The following TRIO variants were observed in gnomAD, a reference collection of about 807,000 sequenced individuals.
TRIO encodes the protein triple functional domain protein.
In TRIO, 58 loss-of-function variants were observed where a neutral mutation model predicts 351.9. That is an observed-to-expected ratio of 0.16 (90% CI 0.13 to 0.21). The LOEUF (loss-of-function observed/expected upper bound fraction) is 0.21, where lower values mean the gene tolerates loss of function less well. Ranked by LOEUF, TRIO falls within the 10% of genes least tolerant of loss-of-function variation. The pLI is 1.00. For missense variants in TRIO, 3,201 were observed against 4,027.8 expected, an observed-to-expected ratio of 0.79 and a Z score of 5.56; for synonymous variants, 1,758 against 1,595.7, an observed-to-expected ratio of 1.10 and a Z score of -2.42.
chr5:14,472,416 G>T (rs1192322447), intron 38 of TRIO, among the ~76,000 whole-genome samples, 176 bp from the exon 39 acceptor site: 3 of 152,148 alleles, frequency 2.0e-5, no homozygotes, highest in Admixed American at 6.5e-5. Flanking sequence ...GCTCTCGTGG[G>T]TCACCCACTT....
chr5:14,336,161 T>A (rs1358422859), intron 10 of TRIO, among the ~76,000 whole-genome samples: 1 of 152,186 alleles, frequency 6.6e-6, no homozygotes, highest in Non-Finnish European at 1.5e-5. Context: ...TGGAACTCTC[T>A]GCTTGGTGAT....
chr5:14,421,661 CA>C (rs1302423075), intron 34 of TRIO, among the ~76,000 whole-genome samples: 6 of 150,334 alleles, frequency 4.0e-5, no homozygotes, highest in Non-Finnish European at 5.9e-5. Context: ...TGCGCAGCAA[CA>C]GACAGCAGGT....
At chr5:14,464,594 A>G (rs1754108063) in intron 36 of TRIO, among the ~76,000 whole-genome samples, 1 of 152,028 alleles carries the variant, frequency 6.6e-6, no homozygotes, top group South Asian at 2.1e-4. Flanking sequence ...TCTTCACCCC[A>G]TATTCCAAAT....
At chr5:14,370,850 G>A (rs1745044027) in intron 18 of TRIO, among the ~76,000 whole-genome samples, 1 of 152,078 alleles carries the variant, frequency 6.6e-6, no homozygotes, top group Admixed American at 6.6e-5. Context: ...CTTTGTCCAG[G>A]ATCTGTTTAG....
At chr5:14,379,105 A>T (rs2152351907) in intron 20 of TRIO, among the ~76,000 whole-genome samples, 1 of 152,250 alleles carries the variant, frequency 6.6e-6, no homozygotes. Context: ...GGGGGTCTGG[A>T]GGGAAGCACA....
chr5:14,393,898 T>G, intron 27 of TRIO, 140 bp from the exon 28 acceptor site: 1 of 492,716 alleles, frequency 2.0e-6, no homozygotes, highest in Non-Finnish European at 3.5e-6. Context: ...TAAAAGCCTC[T>G]TAGGAAAAGG....
At chr5:14,161,572 G>A (rs1351977394) in intron 1 of TRIO, among the ~76,000 whole-genome samples, 1 of 152,160 alleles carries the variant, frequency 6.6e-6, no homozygotes, top group African/African-American at 2.4e-5. Flanking sequence ...CCAGGTAGAA[G>A]TGCAGTAGAT....
At chr5:14,318,219 A>T (rs1306408379) in intron 9 of TRIO, among the ~76,000 whole-genome samples, 1 of 136,054 alleles carries the variant, frequency 7.4e-6, no homozygotes, top group African/African-American at 2.9e-5. Context: ...ACTTGAACCC[A>T]GGAGGCGGAG....
At chr5:14,495,643 A>C (rs1400073515) in intron 49 of TRIO, among the ~76,000 whole-genome samples, 1 of 111,732 alleles carries the variant, frequency 8.9e-6, no homozygotes, top group African/African-American at 3.8e-5. Flanking sequence ...ACATAGTGAA[A>C]CCCCGTCTCT....
intron 1 of TRIO, among the ~76,000 whole-genome samples, chr5:14,223,279 AC>A (rs1221741070): frequency 1.2e-4 from 6 of 49,724 alleles, no homozygotes; most frequent in African/African-American, 3.0e-4. Context: ...GAATGGGTCG[AC>A]AAAAATGTAT....
chr5:14,389,424 G>T (rs1746852122), intron 25 of TRIO, 26 bp downstream of exon 25: 2 of 1,538,852 alleles, frequency 1.3e-6, no homozygotes, highest in Non-Finnish European at 1.8e-6. Context: ...TTTGGGAGCA[G>T]TTACGCTTGA....
At chr5:14,353,419 C>T (rs776433384) in intron 11 of TRIO, among the ~76,000 whole-genome samples, 3 of 151,950 alleles carry the variant, frequency 2.0e-5, no homozygotes, top group Admixed American at 1.3e-4. Flanking sequence ...TGTGCCACCA[C>T]GCCCAGCTAT....
At chr5:14,299,308 A>T (rs1737654197) in intron 7 of TRIO, among the ~76,000 whole-genome samples, 1 of 152,232 alleles carries the variant, frequency 6.6e-6, no homozygotes, top group Non-Finnish European at 1.5e-5. Context: ...GGGACCCTGC[A>T]TGAACTGTAA....
At chr5:14,258,753 T>C (rs1269389829) in intron 1 of TRIO, among the ~76,000 whole-genome samples, 1 of 152,212 alleles carries the variant, frequency 6.6e-6, no homozygotes, top group Non-Finnish European at 1.5e-5. Flanking sequence ...CAGTTGCCTC[T>C]AGCCATCCCA....
chr5:14,389,461 A>T, intron 25 of TRIO, 63 bp downstream of exon 25: 1 of 1,193,868 alleles, frequency 8.4e-7, no homozygotes, highest in Non-Finnish European at 1.2e-6. Flanking sequence ...TTTCATCACA[A>T]GAAATGAACC....
chr5:14,447,064 C>CT (rs1179819639), intron 34 of TRIO, among the ~76,000 whole-genome samples: 1 of 152,172 alleles, frequency 6.6e-6, no homozygotes, highest in African/African-American at 2.4e-5. Flanking sequence ...AAACCTGTCT[C>CT]TACTAAAATA....
intron 20 of TRIO, among the ~76,000 whole-genome samples, chr5:14,379,836 G>A (rs62345012): frequency 0.099 from 15,042 of 152,232 alleles, 1,171 homozygotes; most frequent in African/African-American, 0.22. Flanking sequence ...TGCCCCATCT[G>A]CCTTCCAGCC....
chr5:14,336,377 A>G (rs1249766782), intron 10 of TRIO, among the ~76,000 whole-genome samples, 159 bp from the exon 11 acceptor site: 1 of 152,234 alleles, frequency 6.6e-6, no homozygotes, highest in Non-Finnish European at 1.5e-5. Context: ...TCTGCATAGA[A>G]TTCCCAAAAT....
chr5:14,330,976 T>G (rs902070157), intron 10 of TRIO, 76 bp downstream of exon 10: 41 of 1,588,120 alleles, frequency 2.6e-5, no homozygotes, highest in Non-Finnish European at 3.5e-5. Context: ...TTAACCACAT[T>G]TGAGATAAGT....
Sources: gnomAD v4.1 joint callset for allele counts (sites outside exome capture counted in the v4.1 genomes callset) on GRCh38, gnomAD v4.1.1 for gene constraint, MANE v1.5 for transcripts, NCBI Gene and HGNC (gene_info 2026-07-23, HGNC 2026-07-21) for gene names.